The following FAT3 variants were observed in gnomAD, a reference collection of about 807,000 sequenced individuals.
FAT3 encodes the protein protocadherin Fat 3.
Under a neutral mutation model 310.2 loss-of-function variants are expected in FAT3, and 95 were observed. The observed-to-expected ratio is 0.31, with a 90% CI of 0.26 to 0.36. The LOEUF is 0.36. FAT3 is among the 10% of genes least tolerant of loss of function. The pLI is 1.00. For synonymous variants in FAT3, 2,314 were observed against 2,192.9 expected (o/e 1.06, Z -1.54); for missense variants, 5,408 against 5,715.6 (o/e 0.95, Z 1.74).
chr11:92,290,269 A>G lies in FAT3; in HGVS notation c.-17-61827A>G, dbSNP rs1364828636. ...TATTACGGTTATTTTCTTTCTTTTC[A>G]GTCTCCCTCCTCTAGAATATAGCCC... is the stretch of plus-strand genomic sequence containing the variant. On this transcript the variant is annotated intron_variant, in intron 1 of 27. Coordinates refer to ENST00000525166, the MANE Select transcript of FAT3 (RefSeq NM_001367949.2). Among the ~76,000 whole-genome samples, 9 of 151,856 alleles carry G rather than the reference A, an allele frequency of 5.9e-5. No individual in the cohort carries two copies. The East Asian group carries it at 1.7e-3, about 29-fold the overall frequency.
At chr11:92,561,915 C>T (rs1328080357) in intron 3 of FAT3, among the ~76,000 whole-genome samples, 1 of 152,144 alleles carries the variant, frequency 6.6e-6, no homozygotes, top group Non-Finnish European at 1.5e-5. Context: ...CGTGAACCAC[C>T]ATGCCTGGCC....
intron 2 of FAT3, among the ~76,000 whole-genome samples, chr11:92,356,576 G>C (rs903392925): frequency 6.6e-6 from 1 of 152,128 alleles, no homozygotes; most frequent in East Asian, 1.9e-4. Context: ...CATGTCACAT[G>C]GCAAAGAGAG....
intron 3 of FAT3, among the ~76,000 whole-genome samples, chr11:92,679,129 T>C (rs528276591): frequency 5.2e-4 from 79 of 152,306 alleles, no homozygotes; most frequent in African/African-American, 1.9e-3. Context: ...AGAGACATGA[T>C]TTCATTCCTT....
At chr11:92,437,110 A>C (rs1197138983) in intron 2 of FAT3, among the ~76,000 whole-genome samples, 1 of 152,232 alleles carries the variant, frequency 6.6e-6, no homozygotes, top group Non-Finnish European at 1.5e-5. Flanking sequence ...AGACAGAAAT[A>C]GGATGAAATC....
Position 92,353,347 on chromosome 11 carries a change from C to T in FAT3, c.1235C>T (p.Ser412Phe), listed in dbSNP as rs10830902. 93,604 of 1,613,420 alleles carry T rather than the reference C, an allele frequency of 0.058. 3,418 individuals are homozygous for T. Among genetic ancestry groups the T allele is most frequent in the African/African-American group, 0.15 (11,562 of 75,004 alleles). ...PEPIDVEYKL[S>F]PGEDAVYFKI... is the part of the protein sequence containing the mutation. ...CCGATAGATGTGGAATACAAATTATCTCCTGGTGAGGATGCAGTGTACTTT... is the reference window on the plus strand; with the variant it reads ...CCGATAGATGTGGAATACAAATTATTTCCTGGTGAGGATGCAGTGTACTTT... The change falls in exon 2 of 28, where the codon TCT (serine) becomes TTT (phenylalanine). Residue 412 changes from serine to phenylalanine, a missense_variant. This residue lies in a region of FAT3 where 4,588 missense variants were observed against 4,809.8 expected (regional missense o/e 0.95). Coordinates refer to ENST00000525166, the MANE Select transcript of FAT3 (RefSeq NM_001367949.2).
chr11:92,549,790 A>G, intron 3 of FAT3, among the ~76,000 whole-genome samples: 1 of 152,234 alleles, frequency 6.6e-6, no homozygotes, highest in East Asian at 1.9e-4. Context: ...CCAAGGCCAG[A>G]TTCATTGACT....
intron 2 of FAT3, among the ~76,000 whole-genome samples, chr11:92,480,462 A>G (rs966500930): frequency 6.6e-6 from 1 of 152,208 alleles, no homozygotes; most frequent in African/African-American, 2.4e-5. Flanking sequence ...TTCTCCCAGT[A>G]CCACAACTGC....
chr11:92,797,344 A>G (rs921673190), intron 9 of FAT3, among the ~76,000 whole-genome samples: 2 of 152,216 alleles, frequency 1.3e-5, no homozygotes, highest in African/African-American at 2.4e-5. Flanking sequence ...TGGGATAATC[A>G]GAAAACAACT....
chr11:92,282,828 T>A (rs1946465073), intron 1 of FAT3, among the ~76,000 whole-genome samples: 1 of 152,154 alleles, frequency 6.6e-6, no homozygotes, highest in African/African-American at 2.4e-5. Flanking sequence ...TGTAAACGAT[T>A]GTTTACTTAT....
intron 13 of FAT3, among the ~76,000 whole-genome samples, chr11:92,812,614 GA>G (rs1341886826): frequency 1.3e-5 from 2 of 149,816 alleles, no homozygotes; most frequent in East Asian, 2.0e-4. Flanking sequence ...AACAAGGAAA[GA>G]AAAAAAAACT....
chr11:92,261,244 T>C, intron 1 of FAT3, among the ~76,000 whole-genome samples: 1 of 152,098 alleles, frequency 6.6e-6, no homozygotes, highest in African/African-American at 2.4e-5. Context: ...GAAAGCCATC[T>C]ACTGAGCTTA....
intron 2 of FAT3, among the ~76,000 whole-genome samples, chr11:92,444,678 A>C (rs1236023161): frequency 6.7e-6 from 1 of 149,224 alleles, no homozygotes; most frequent in Non-Finnish European, 1.5e-5. Flanking sequence ...GGGAAAACAT[A>C]CAGTTTATAT....
chr11:92,229,489 C>CTTTTT (rs1565339181), intron 1 of FAT3, among the ~76,000 whole-genome samples: 1 of 48,634 alleles, frequency 2.1e-5, no homozygotes, highest in African/African-American at 8.1e-5. Flanking sequence ...TTTGTTTTTT[C>CTTTTT]GTGTTTTTTT....
intron 7 of FAT3, among the ~76,000 whole-genome samples, chr11:92,780,425 A>G (rs1221189680): frequency 6.6e-6 from 1 of 152,052 alleles, no homozygotes; most frequent in Non-Finnish European, 1.5e-5. Context: ...GGCCTCCCAA[A>G]GTGCTAGGAT....
intron 4 of FAT3, among the ~76,000 whole-genome samples, chr11:92,740,479 T>G (rs1945477061): frequency 6.6e-6 from 1 of 152,214 alleles, no homozygotes; most frequent in Admixed American, 6.5e-5. Flanking sequence ...TCCTTAGCTG[T>G]CTGCCTCCCC....
At chr11:92,249,101 G>T (rs541086683) in intron 1 of FAT3, among the ~76,000 whole-genome samples, 2 of 142,922 alleles carry the variant, frequency 1.4e-5, no homozygotes, top group Admixed American at 6.7e-5. Context: ...TTTAAGGTTG[G>T]GGTGGCCATT....
At chr11:92,647,010 G>T (rs984312822) in intron 3 of FAT3, among the ~76,000 whole-genome samples, 3 of 152,016 alleles carry the variant, frequency 2.0e-5, no homozygotes, top group African/African-American at 7.2e-5. Flanking sequence ...GCTTCTTTCT[G>T]ATAAGAACTA....
chr11:92,442,081 T>TATATATTTA (rs1555047741), intron 2 of FAT3, among the ~76,000 whole-genome samples: 1 of 70,012 alleles, frequency 1.4e-5, no homozygotes, highest in African/African-American at 8.2e-5. Flanking sequence ...AATATATATT[T>TATATATTTA]TATATATATA....
chr11:92,639,615 A>C (rs1941886218), intron 3 of FAT3, among the ~76,000 whole-genome samples: 1 of 152,186 alleles, frequency 6.6e-6, no homozygotes, highest in African/African-American at 2.4e-5. Flanking sequence ...ATACCTGAGC[A>C]TAGAAATGAT....
Sources: gnomAD v4.1 joint callset for allele counts (sites outside exome capture counted in the v4.1 genomes callset) on GRCh38, gnomAD v4.1.1 for gene constraint, gnomAD v4.1.1 regional missense constraint, MANE v1.5 for transcripts, NCBI Gene and HGNC (gene_info 2026-07-23, HGNC 2026-07-21) for gene names.